Variants in AMPH observed in about 807,000 individuals in gnomAD.
AMPH encodes the protein amphiphysin.
Under a neutral mutation model 99.1 loss-of-function variants are expected in AMPH, and 49 were observed. The observed-to-expected ratio is 0.49, with a 90% CI of 0.39 to 0.63. The LOEUF is 0.63. Among genes scored for constraint, AMPH ranks in the 20% least tolerant of loss-of-function variants. The pLI is 0.00. For synonymous variants in AMPH, 314 were observed against 317.3 expected (o/e 0.99, Z 0.11); for missense variants, 759 against 863.4 (o/e 0.88, Z 1.52).
intron 2 of AMPH, among the ~76,000 whole-genome samples, chr7:38,506,335 A>G (rs1789322638): frequency 6.6e-6 from 1 of 152,240 alleles, no homozygotes; most frequent in Admixed American, 6.5e-5. Context: ...AAAGAAATAA[A>G]AGCATTTACA....
intron 11 of AMPH, among the ~76,000 whole-genome samples, chr7:38,446,333 G>C (rs1022254962): frequency 6.6e-6 from 1 of 152,120 alleles, no homozygotes; most frequent in East Asian, 1.9e-4. Flanking sequence ...AGAAATGAAA[G>C]CATGCATGCA....
chr7:38,617,140 C>T (rs1283353153), intron 1 of AMPH, among the ~76,000 whole-genome samples: 2 of 152,206 alleles, frequency 1.3e-5, no homozygotes, highest in African/African-American at 4.8e-5. Context: ...CATACATGCA[C>T]AGTCTTTTCC....
intron 17 of AMPH, among the ~76,000 whole-genome samples, chr7:38,413,095 C>A (rs186435633): frequency 1.3e-5 from 2 of 152,184 alleles, no homozygotes; most frequent in African/African-American, 4.8e-5. Context: ...TTGCTTCTCA[C>A]CAACTTTTCA....
chr7:38,612,079 G>GTC (rs1793700184), intron 1 of AMPH, among the ~76,000 whole-genome samples: 1 of 124,402 alleles, frequency 8.0e-6, no homozygotes, highest in Non-Finnish European at 1.6e-5. Flanking sequence ...CTGATTTTTT[G>GTC]TCTTCTTCTT....
rs1252823546 is a variant in AMPH, at chr7:38,454,607, A to G, written c.1017+6676T>C. Among the ~76,000 whole-genome samples, 3 of 152,136 alleles carry G rather than the reference A, an allele frequency of 2.0e-5. 1 individual carries two copies. The highest frequency in any genetic ancestry group is 4.1e-4 in the South Asian group (2 of 4,826). ...TAGCTGCGGTGGGATATGTGAACCCAGGTATATTCAAAATCAGTAGGAACA... is the reference window on the plus strand; with the variant it reads ...TAGCTGCGGTGGGATATGTGAACCCGGGTATATTCAAAATCAGTAGGAACA... On this transcript the variant is annotated intron_variant, in intron 11 of 20. Transcript: ENST00000356264.
At chr7:38,576,525 C>T (rs965885648) in intron 1 of AMPH, among the ~76,000 whole-genome samples, 2 of 151,930 alleles carry the variant, frequency 1.3e-5, no homozygotes, top group African/African-American at 2.4e-5. Flanking sequence ...TCCAGGAAAT[C>T]GTATGTTAAG....
chr7:38,466,956 C>T (rs141196689), intron 7 of AMPH, among the ~76,000 whole-genome samples: 1 of 152,336 alleles, frequency 6.6e-6, no homozygotes, highest in Non-Finnish European at 1.5e-5. Context: ...TCTATACCTA[C>T]AGTGATCATG....
chr7:38,610,343 G>GAAAAGAA (rs1793620548), intron 1 of AMPH, among the ~76,000 whole-genome samples: 1 of 25,048 alleles, frequency 4.0e-5, no homozygotes, highest in Non-Finnish European at 8.0e-5. Context: ...AAAAAGAAAA[G>GAAAAGAA]AAAAGAAAAG....
chr7:38,487,088 T>A (rs577939410), intron 5 of AMPH, among the ~76,000 whole-genome samples: 1 of 152,102 alleles, frequency 6.6e-6, no homozygotes, highest in African/African-American at 2.4e-5. Flanking sequence ...ATAAAATTCA[T>A]CCAGATTGGA....
chr7:38,412,660 C>T (rs1205774861), intron 17 of AMPH, among the ~76,000 whole-genome samples: 1 of 152,174 alleles, frequency 6.6e-6, no homozygotes, highest in Admixed American at 6.5e-5. Flanking sequence ...CCTATGACTT[C>T]CTGCAAAGAC....
intron 2 of AMPH, among the ~76,000 whole-genome samples, chr7:38,505,158 G>T (rs1168522741): frequency 6.6e-6 from 1 of 152,110 alleles, no homozygotes; most frequent in Non-Finnish European, 1.5e-5. Flanking sequence ...AAAACAAAAT[G>T]TCCATCACAT....
chr7:38,602,674 T>C (rs1417250634), intron 1 of AMPH, among the ~76,000 whole-genome samples: 1 of 152,214 alleles, frequency 6.6e-6, no homozygotes, highest in Non-Finnish European at 1.5e-5. Context: ...AAAGTCTCTT[T>C]TGTCAGGTAA....
At chr7:38,437,025 T>C (rs1289470564) in intron 11 of AMPH, among the ~76,000 whole-genome samples, 1 of 152,090 alleles carries the variant, frequency 6.6e-6, no homozygotes, top group African/African-American at 2.4e-5. Context: ...CCTCCCAACA[T>C]TTGCTGCAAA....
intron 15 of AMPH, 127 bp from the exon 16 acceptor site, chr7:38,422,604 A>ATCTATCTATCGACAC: frequency 1.6e-6 from 1 of 639,334 alleles, no homozygotes; most frequent in South Asian, 2.2e-5. Context: ...CTATCTATCC[A>ATCTATCTATCGACAC]TCTATCTATC....
chr7:38,392,342 G>T (rs962160875), intron 18 of AMPH, among the ~76,000 whole-genome samples: 11 of 150,630 alleles, frequency 7.3e-5, no homozygotes, highest in African/African-American at 2.5e-4. Context: ...TCCTGAGAGG[G>T]ATTGCAGGAG....
chr7:38,472,866 G>A (rs186182818), intron 7 of AMPH, among the ~76,000 whole-genome samples: 2 of 152,256 alleles, frequency 1.3e-5, no homozygotes, highest in Admixed American at 6.5e-5. Flanking sequence ...TATTCCCTTT[G>A]TTTTTAAGTC....
At chr7:38,553,473 A>G (rs1412202555) in intron 1 of AMPH, among the ~76,000 whole-genome samples, 3 of 152,224 alleles carry the variant, frequency 2.0e-5, no homozygotes, top group South Asian at 4.1e-4. Flanking sequence ...GCAAATATAC[A>G]TAGTCACGGA....
At chr7:38,397,372 T>C (rs1380640011) in intron 17 of AMPH, among the ~76,000 whole-genome samples, 1 of 152,344 alleles carries the variant, frequency 6.6e-6, no homozygotes, top group Admixed American at 6.5e-5. Context: ...AACCTGTAAC[T>C]TGTCTCTAGA....
intron 1 of AMPH, among the ~76,000 whole-genome samples, chr7:38,621,388 T>C (rs1186965547): frequency 6.6e-6 from 1 of 152,216 alleles, no homozygotes; most frequent in Non-Finnish European, 1.5e-5. Flanking sequence ...ACTGCTATAT[T>C]ATGAGTCTCT....
Sources: gnomAD v4.1 joint callset for allele counts (sites outside exome capture counted in the v4.1 genomes callset) on GRCh38, gnomAD v4.1.1 for gene constraint, MANE v1.5 for transcripts, NCBI Gene and HGNC (gene_info 2026-07-23, HGNC 2026-07-21) for gene names.